The following ZSWIM5 variants were observed in gnomAD, a reference collection of about 807,000 sequenced individuals.
ZSWIM5 encodes zinc finger SWIM domain-containing protein 5.
In ZSWIM5, 55 loss-of-function variants were observed where a neutral mutation model predicts 119.6. The ratio of observed to expected loss-of-function variants is 0.46; its 90% CI spans 0.37 to 0.58. The LOEUF (loss-of-function observed/expected upper bound fraction) is 0.58, where lower values mean the gene tolerates loss of function less well. ZSWIM5 is among the 20% of genes least tolerant of loss of function. The probability of loss-of-function intolerance (pLI) is 0.00; values close to 1 mark genes in which losing one functional copy is unlikely to be tolerated. For missense variants in ZSWIM5, 1,193 were observed against 1,512.8 expected (o/e 0.79, Z 3.51); for synonymous variants, 537 against 606.9 (o/e 0.88, Z 1.69).
chr1:45,104,075 G>C (rs1447795140), intron 1 of ZSWIM5, among the ~76,000 whole-genome samples: 4 of 152,136 alleles, frequency 2.6e-5, no homozygotes, highest in Non-Finnish European at 5.9e-5. Flanking sequence ...GCTTCCTCTT[G>C]AATAAATTTG....
chr1:45,118,514 G>A (rs748247088), intron 1 of ZSWIM5, among the ~76,000 whole-genome samples: 16 of 152,278 alleles, frequency 1.1e-4, no homozygotes, highest in African/African-American at 3.4e-4. Context: ...TACCGAGGCA[G>A]GCAGAGGTGT....
At chr1:45,198,411 T>C (rs1201478717) in intron 1 of ZSWIM5, among the ~76,000 whole-genome samples, 1 of 152,158 alleles carries the variant, frequency 6.6e-6, no homozygotes, top group Non-Finnish European at 1.5e-5. Flanking sequence ...AGAGCAAAGG[T>C]CATGGCAACA....
intron 11 of ZSWIM5, among the ~76,000 whole-genome samples, chr1:45,033,461 A>T (rs1441392252): frequency 1.3e-5 from 2 of 152,192 alleles, no homozygotes; most frequent in Non-Finnish European, 2.9e-5. Flanking sequence ...CATGGTGGCT[A>T]GCATTTTATC....
intron 1 of ZSWIM5, among the ~76,000 whole-genome samples, chr1:45,126,229 A>G (rs1645621047): frequency 6.6e-6 from 1 of 151,842 alleles, no homozygotes; most frequent in Non-Finnish European, 1.5e-5. Context: ...AAAAAAAAAA[A>G]TCAATGAAAC....
In ZSWIM5 at chr1:45,020,804, G is replaced by C. The variant is rs918412525; in HGVS notation, c.2450-16C>G. On this transcript the variant is annotated splice_polypyrimidine_tract_variant and intron_variant, in intron 11 of 13. Transcript: ENST00000359600. ...AAAGTGTCTCCTATAGGTGTCAAGAGAAGGGGCAGGGTCTATTTTAAAGTT... is the reference window on the plus strand; with the variant it reads ...AAAGTGTCTCCTATAGGTGTCAAGACAAGGGGCAGGGTCTATTTTAAAGTT... The C allele has an allele frequency of 6.2e-7, 1 of 1,612,052 alleles. No individual in the cohort carries two copies. Among genetic ancestry groups the C allele is most frequent in the Non-Finnish European group, 8.5e-7 (1 of 1,179,184 alleles).
At chr1:45,107,179 C>G (rs1413215490) in intron 1 of ZSWIM5, among the ~76,000 whole-genome samples, 1 of 152,078 alleles carries the variant, frequency 6.6e-6, no homozygotes, top group Non-Finnish European at 1.5e-5. Context: ...CCACATCCCC[C>G]TCTCTGAGAA....
intron 1 of ZSWIM5, among the ~76,000 whole-genome samples, chr1:45,130,475 G>A (rs1645649565): frequency 6.6e-6 from 1 of 151,594 alleles, no homozygotes. Flanking sequence ...TAGACAGATG[G>A]CAAATAAAAA....
At chr1:45,183,282 C>A (rs377088207) in intron 1 of ZSWIM5, among the ~76,000 whole-genome samples, 1 of 150,218 alleles carries the variant, frequency 6.7e-6, no homozygotes, top group African/African-American at 2.5e-5. Context: ...ACTAAATGCC[C>A]ACAAGAGAAA....
chr1:45,178,320 CGACT>C (rs1336921491), intron 1 of ZSWIM5, among the ~76,000 whole-genome samples: 1 of 152,016 alleles, frequency 6.6e-6, no homozygotes, highest in African/African-American at 2.4e-5. Context: ...CCTACTCGAC[CGACT>C]GAGGCTGGAG....
At chr1:45,120,070 G>A (rs1299187555) in intron 1 of ZSWIM5, among the ~76,000 whole-genome samples, 2 of 152,134 alleles carry the variant, frequency 1.3e-5, no homozygotes, top group Non-Finnish European at 2.9e-5. Flanking sequence ...CAAGCCAGGC[G>A]CAACTGCTCA....
At chr1:45,045,822 A>G (rs1260758973) in intron 5 of ZSWIM5, among the ~76,000 whole-genome samples, 5 of 152,184 alleles carry the variant, frequency 3.3e-5, no homozygotes, top group Non-Finnish European at 7.3e-5. Flanking sequence ...GAGACAGTTA[A>G]GTAAATATAT....
Position 45,038,922 on chromosome 1 carries a change from G to A in ZSWIM5, c.1894+14C>T. 6.2e-7 allele frequency: 1 copy of A among 1,612,608 alleles called. No homozygotes were observed. The highest frequency in any genetic ancestry group is 1.1e-5 in the South Asian group (1 of 91,006). Reference sequence around the variant, plus strand: ...CAAGGGCAGTCTTGGTTTGCCTCAGGCTGACCCCTGTACCTGACATCTCCA... The same window carrying A: ...CAAGGGCAGTCTTGGTTTGCCTCAGACTGACCCCTGTACCTGACATCTCCA... On this transcript the variant is annotated intron_variant, in intron 8 of 13. Coordinates refer to ENST00000359600, the MANE Select transcript of ZSWIM5 (RefSeq NM_020883.2).
At chr1:45,165,871 C>T (rs1465846681) in intron 1 of ZSWIM5, among the ~76,000 whole-genome samples, 9 of 152,142 alleles carry the variant, frequency 5.9e-5, no homozygotes, top group Non-Finnish European at 1.3e-4. Context: ...GATTCACAGC[C>T]GAATTCTATC....
At chr1:45,172,059 G>A (rs1040306170) in intron 1 of ZSWIM5, among the ~76,000 whole-genome samples, 6 of 151,678 alleles carry the variant, frequency 4.0e-5, no homozygotes, top group Admixed American at 6.6e-5. Context: ...CAAATTCACC[G>A]TCCAAAATGC....
intron 1 of ZSWIM5, among the ~76,000 whole-genome samples, chr1:45,167,232 C>T (rs1208264861): frequency 6.6e-6 from 1 of 151,814 alleles, no homozygotes; most frequent in Non-Finnish European, 1.5e-5. Flanking sequence ...AAAGGATTCC[C>T]TATTTAATAA....
At chr1:45,198,567 T>G (rs1646139526) in intron 1 of ZSWIM5, among the ~76,000 whole-genome samples, 1 of 146,474 alleles carries the variant, frequency 6.8e-6, no homozygotes, top group Non-Finnish European at 1.5e-5. Flanking sequence ...CCAGAGTTTT[T>G]CTCCACCACA....
At chr1:45,055,242 G>C (rs1645115300) in intron 4 of ZSWIM5, among the ~76,000 whole-genome samples, 1 of 152,056 alleles carries the variant, frequency 6.6e-6, no homozygotes, top group South Asian at 2.1e-4. Context: ...CGCCTGCCTT[G>C]GCCTCCCAAA....
chr1:45,037,396 C>G (rs1644992079), intron 8 of ZSWIM5, among the ~76,000 whole-genome samples: 3 of 152,336 alleles, frequency 2.0e-5, no homozygotes, highest in African/African-American at 7.2e-5. Context: ...CAGGCGAGAG[C>G]CACTGCGCCC....
At chr1:45,147,112 T>C (rs987621045) in intron 1 of ZSWIM5, among the ~76,000 whole-genome samples, 1 of 151,866 alleles carries the variant, frequency 6.6e-6, no homozygotes, top group African/African-American at 2.4e-5. Flanking sequence ...TCTCACTCTG[T>C]TGCCCAGGCT....
Sources: allele counts gnomAD v4.1 joint callset (sites outside exome capture counted in the v4.1 genomes callset), GRCh38; gene constraint gnomAD v4.1.1; transcripts MANE v1.5; gene names NCBI Gene and HGNC (gene_info 2026-07-23, HGNC 2026-07-21).